The following NEGR1 variants were observed in gnomAD, a reference collection of about 807,000 sequenced individuals.
The protein encoded by NEGR1 is neuronal growth regulator 1, also known as IgLON family member 4.
NEGR1 carries 10 observed loss-of-function variants against 40.9 expected under a neutral mutation model. The ratio of observed to expected loss-of-function variants is 0.24; its 90% CI spans 0.15 to 0.42. The LOEUF (loss-of-function observed/expected upper bound fraction) is 0.42. NEGR1 is among the 10% of genes least tolerant of loss of function. NEGR1 has a pLI of 1.00. For synonymous variants in NEGR1, 185 were observed against 166.8 expected, an observed-to-expected ratio of 1.11 and a Z score of -0.84; for missense variants, 352 against 438.9, an observed-to-expected ratio of 0.80 and a Z score of 1.77.
At chr1:71,925,251 A>T (rs1645761374) in intron 2 of NEGR1, among the ~76,000 whole-genome samples, 1 of 152,168 alleles carries the variant, frequency 6.6e-6, no homozygotes, top group Admixed American at 6.5e-5. Context: ...ATTTCATCAG[A>T]TTTTCAAATG....
chr1:72,183,164 C>A (rs72941236), intron 1 of NEGR1, among the ~76,000 whole-genome samples: 193 of 152,162 alleles, frequency 1.3e-3, no homozygotes, highest in African/African-American at 4.3e-3. Context: ...AAGTGGACCA[C>A]TGAAACCTCT....
At chr1:71,729,775 T>C (rs1418587882) in intron 3 of NEGR1, among the ~76,000 whole-genome samples, 1 of 151,854 alleles carries the variant, frequency 6.6e-6, no homozygotes, top group Non-Finnish European at 1.5e-5. Flanking sequence ...GCTGGGACCA[T>C]AGGTGCATGC....
intron 4 of NEGR1, among the ~76,000 whole-genome samples, chr1:71,630,764 C>T (rs1650946280): frequency 1.3e-5 from 2 of 151,730 alleles, no homozygotes; most frequent in South Asian, 2.1e-4. Flanking sequence ...TTTATAAAAA[C>T]CAAAAATGGT....
intron 6 of NEGR1, among the ~76,000 whole-genome samples, chr1:71,581,641 A>G (rs917717021): frequency 1.3e-5 from 2 of 152,026 alleles, no homozygotes; most frequent in African/African-American, 4.8e-5. Context: ...ACTATATGGA[A>G]TTTACAATAA....
chr1:71,590,483 A>ACT (rs1649461758), intron 6 of NEGR1, among the ~76,000 whole-genome samples: 2 of 149,496 alleles, frequency 1.3e-5, no homozygotes, highest in Admixed American at 6.8e-5. Flanking sequence ...TTCCAGTCCT[A>ACT]CTCACCCTTT....
At chr1:71,818,846 C>T (rs1658320557) in intron 2 of NEGR1, among the ~76,000 whole-genome samples, 1 of 151,826 alleles carries the variant, frequency 6.6e-6, no homozygotes, top group Non-Finnish European at 1.5e-5. Context: ...ACACGACATC[C>T]ATAGGAGCAA....
intron 6 of NEGR1, among the ~76,000 whole-genome samples, chr1:71,530,395 C>T (rs189615307): frequency 6.6e-6 from 1 of 151,146 alleles, no homozygotes; most frequent in Non-Finnish European, 1.5e-5. Flanking sequence ...TTGTATCTTG[C>T]TCAGCAGATT....
At chr1:71,463,903 AAAAT>A (rs1225351604) in intron 6 of NEGR1, among the ~76,000 whole-genome samples, 7 of 152,268 alleles carry the variant, frequency 4.6e-5, no homozygotes, top group South Asian at 2.1e-4. Context: ...AAATGATACT[AAAAT>A]AAATAAATAA....
intron 4 of NEGR1, among the ~76,000 whole-genome samples, chr1:71,675,529 A>T (rs1234296145): frequency 6.6e-6 from 1 of 150,836 alleles, no homozygotes; most frequent in South Asian, 2.1e-4. Context: ...ATAGAGAGTG[A>T]GAGAGAGAGA....
chr1:71,636,896 A>G (rs2101569761), intron 4 of NEGR1, among the ~76,000 whole-genome samples: 1 of 152,194 alleles, frequency 6.6e-6, no homozygotes, highest in South Asian at 2.1e-4. Context: ...GATAATATTA[A>G]TAGTAGCCCA....
At chr1:72,110,604 A>C (rs1327642799) in intron 1 of NEGR1, among the ~76,000 whole-genome samples, 2 of 151,648 alleles carry the variant, frequency 1.3e-5, no homozygotes, top group East Asian at 3.9e-4. Flanking sequence ...AAACCCGAAA[A>C]AACTTTCTCT....
At chr1:72,135,093 T>G (rs1439159410) in intron 1 of NEGR1, among the ~76,000 whole-genome samples, 1 of 146,726 alleles carries the variant, frequency 6.8e-6, no homozygotes, top group Non-Finnish European at 1.5e-5. Context: ...GAAATAACTT[T>G]CGGCCGGGCG....
chr1:71,817,777 A>G (rs1658279557), intron 2 of NEGR1, among the ~76,000 whole-genome samples: 1 of 152,044 alleles, frequency 6.6e-6, no homozygotes, highest in Admixed American at 6.6e-5. Flanking sequence ...GAAAAATAAT[A>G]CATAAAACTT....
chr1:71,748,777 G>A (rs1655470468), intron 3 of NEGR1, among the ~76,000 whole-genome samples: 1 of 151,922 alleles, frequency 6.6e-6, no homozygotes, highest in African/African-American at 2.4e-5. Context: ...TTTCACTTTG[G>A]CATGAAAAAA....
chr1:71,716,888 T>C (rs1654296034), intron 3 of NEGR1, among the ~76,000 whole-genome samples: 1 of 152,198 alleles, frequency 6.6e-6, no homozygotes, highest in Non-Finnish European at 1.5e-5. Context: ...CTTAAAAATT[T>C]AAATTGCAAA....
chr1:71,827,320 G>A (rs1454789204), intron 2 of NEGR1, among the ~76,000 whole-genome samples: 1 of 151,808 alleles, frequency 6.6e-6, no homozygotes, highest in Non-Finnish European at 1.5e-5. Flanking sequence ...AAATTTGATA[G>A]ATTGCTGATA....
At chr1:71,978,099 C>CT (rs34852869) in intron 1 of NEGR1, among the ~76,000 whole-genome samples, 5 of 151,662 alleles carry the variant, frequency 3.3e-5, no homozygotes, top group Non-Finnish European at 7.4e-5. Flanking sequence ...TCTCTAGAGT[C>CT]TTTTTTTTGT....
At position 71,401,597 on chromosome 1, in the gene NEGR1, C is replaced by T. The variant is rs1003835558; in HGVS notation, c.*5849G>A. ...TACTGTCCCAGCACAAACAGATGTT[C>T]ATGTTAGTATTTCAATATAAATGGC... On this transcript the variant is annotated 3_prime_UTR_variant, in exon 7 of 7. Coordinates refer to ENST00000357731, the MANE Select transcript of NEGR1 (RefSeq NM_173808.3). 4 of 152,246 alleles carry T rather than the reference C, an allele frequency of 2.6e-5. No homozygotes were observed. Among genetic ancestry groups the T allele is most frequent in the African/African-American group, 4.8e-5 (2 of 41,544 alleles). The allele number at this position is 152,246 out of a possible 1,614,324, so 9.4% of individuals were successfully genotyped here. A position where few individuals can be genotyped will look rare whatever the true frequency, so the allele number is the denominator to read the frequency against.
At chr1:71,927,675 C>T (rs1645787550) in intron 2 of NEGR1, among the ~76,000 whole-genome samples, 1 of 151,196 alleles carries the variant, frequency 6.6e-6, no homozygotes, top group Non-Finnish European at 1.5e-5. Flanking sequence ...GATAAAGTAC[C>T]TGGGGAATAT....
Sources: gnomAD v4.1 joint callset for allele counts (sites outside exome capture counted in the v4.1 genomes callset) on GRCh38, gnomAD v4.1.1 for gene constraint, MANE v1.5 for transcripts, NCBI Gene and HGNC (gene_info 2026-07-23, HGNC 2026-07-21) for gene names.